The following CAPZB variants were observed in gnomAD, a reference collection of about 807,000 sequenced individuals.
CAPZB encodes capping actin protein of muscle Z-line subunit beta, also known as F-actin-capping protein subunit beta.
A neutral mutation model predicts 38.1 loss-of-function variants in CAPZB; 2 were observed. The ratio of observed to expected loss-of-function variants is 0.05; its 90% CI spans 0.02 to 0.17. The LOEUF (loss-of-function observed/expected upper bound fraction) is 0.17, where lower values mean the gene tolerates loss of function less well. CAPZB is among the 10% of genes least tolerant of loss of function. The probability of loss-of-function intolerance (pLI) is 1.00; values close to 1 mark genes in which losing one functional copy is unlikely to be tolerated. For synonymous variants in CAPZB, 107 were observed against 127.4 expected, an observed-to-expected ratio of 0.84 and a Z score of 1.08; for missense variants, 161 against 334.2, an observed-to-expected ratio of 0.48 and a Z score of 4.04.
At chr1:19,410,613 G>A (rs2094353455) in intron 2 of CAPZB, among the ~76,000 whole-genome samples, 1 of 151,874 alleles carries the variant, frequency 6.6e-6, no homozygotes, top group South Asian at 2.1e-4. Context: ...AGCTCTGGAG[G>A]AACATCGCCT....
intron 1 of CAPZB, among the ~76,000 whole-genome samples, chr1:19,431,467 A>G (rs536640321): frequency 6.6e-6 from 1 of 152,202 alleles, no homozygotes; most frequent in East Asian, 1.9e-4. Context: ...TGGGAGGCCA[A>G]GGTGGGTGGA....
At chr1:19,377,212 A>G (rs1004194604) in intron 4 of CAPZB, among the ~76,000 whole-genome samples, 6 of 152,266 alleles carry the variant, frequency 3.9e-5, no homozygotes, top group African/African-American at 1.4e-4. Context: ...TCAGCTTTTC[A>G]GTATCACTGG....
At chr1:19,363,102 G>A (rs2094062538) in intron 4 of CAPZB, among the ~76,000 whole-genome samples, 1 of 151,912 alleles carries the variant, frequency 6.6e-6, no homozygotes, top group African/African-American at 2.4e-5. Flanking sequence ...TGTTTTTTGA[G>A]ACAGGGTCTT....
At chr1:19,367,461 C>T (rs990125562) in intron 4 of CAPZB, among the ~76,000 whole-genome samples, 5 of 152,196 alleles carry the variant, frequency 3.3e-5, no homozygotes, top group East Asian at 1.9e-4. Flanking sequence ...TTACTGGGAG[C>T]GGTTCCGTAC....
At chr1:19,413,852 T>TG (rs1432495821) in intron 2 of CAPZB, among the ~76,000 whole-genome samples, 2 of 152,156 alleles carry the variant, frequency 1.3e-5, no homozygotes, top group Non-Finnish European at 2.9e-5. Context: ...CTTCATCACC[T>TG]GGGGGACAAA....
intron 3 of CAPZB, among the ~76,000 whole-genome samples, chr1:19,381,789 T>C (rs936541725): frequency 1.4e-5 from 2 of 145,370 alleles, no homozygotes; most frequent in Admixed American, 1.4e-4. Context: ...GTCTCCTGGG[T>C]TCAAGCAGAT....
intron 1 of CAPZB, among the ~76,000 whole-genome samples, chr1:19,471,795 G>A (rs1317094716): frequency 6.7e-6 from 1 of 149,920 alleles, no homozygotes; most frequent in African/African-American, 2.5e-5. Context: ...TGAACCAGGA[G>A]GCAGAGCTTG....
At chr1:19,419,321 G>A (rs1392654994) in intron 2 of CAPZB, among the ~76,000 whole-genome samples, 1 of 152,172 alleles carries the variant, frequency 6.6e-6, no homozygotes, top group African/African-American at 2.4e-5. Flanking sequence ...TCTGGCCTGC[G>A]TGCACTGCTG....
intron 2 of CAPZB, among the ~76,000 whole-genome samples, chr1:19,409,697 C>T (rs1465237251): frequency 6.6e-6 from 1 of 152,224 alleles, no homozygotes; most frequent in African/African-American, 2.4e-5. Flanking sequence ...CTCTAATAGC[C>T]TCAGCAGGTG....
At chr1:19,481,092 ACT>A (rs936024421) in intron 1 of CAPZB, among the ~76,000 whole-genome samples, 1 of 152,120 alleles carries the variant, frequency 6.6e-6, no homozygotes, top group African/African-American at 2.4e-5. Flanking sequence ...CTGGCTCCTA[ACT>A]CTATTTTCTT....
In CAPZB at chr1:19,352,561, C is replaced by T. The variant is rs370751373; in HGVS notation, c.588+4074G>A. On this transcript the variant is annotated intron_variant, in intron 6 of 8. Coordinates refer to ENST00000264202, the MANE Select transcript of CAPZB (RefSeq NM_004930.5). ...GAACTTGGGGCTTGCAACCTTTTTT[C>T]GCTTGCTCTACAACCCTCCCATGGG... is the stretch of plus-strand genomic sequence containing the variant. Among the ~76,000 whole-genome samples, 11 of 152,260 alleles carry T rather than the reference C, an allele frequency of 7.2e-5. No homozygotes were observed. In the South Asian group the frequency reaches 8.3e-4, roughly 11 times the overall value.
At chr1:19,346,452 T>TA (rs200968507) in intron 6 of CAPZB, among the ~76,000 whole-genome samples, 3,891 of 72,770 alleles carry the variant, frequency 0.053, 237 homozygotes, top group African/African-American at 0.09. Context: ...TGAGAGAAGC[T>TA]AAAAAAAAAA....
intron 2 of CAPZB, among the ~76,000 whole-genome samples, chr1:19,401,329 A>G (rs1457862617): frequency 6.6e-6 from 1 of 152,248 alleles, no homozygotes. Flanking sequence ...GATTTGCAGC[A>G]GAAGAGCTAT....
intron 2 of CAPZB, among the ~76,000 whole-genome samples, chr1:19,391,407 C>T (rs12141760): frequency 0.25 from 38,439 of 151,982 alleles, 4,990 homozygotes; most frequent in Non-Finnish European, 0.29. Flanking sequence ...GCCTGTTGGC[C>T]GAGAGCCCAC....
intron 1 of CAPZB, among the ~76,000 whole-genome samples, chr1:19,476,766 C>T (rs749575307): frequency 3.2e-4 from 48 of 152,232 alleles, no homozygotes; most frequent in Non-Finnish European, 4.3e-4. Flanking sequence ...GTTCCATCTC[C>T]TTGCATTTCA....
Position 19,372,377 on chromosome 1 carries a change from G to A in CAPZB, c.329+6163C>T, listed in dbSNP as rs372430000. 1.4e-4 allele frequency among the ~76,000 whole-genome samples: 21 copies of A among 152,344 alleles called. No individual in the cohort carries two copies. In the South Asian group the frequency reaches 3.5e-3, roughly 26 times the overall value. On this transcript the variant is annotated intron_variant, in intron 4 of 8. Coordinates refer to ENST00000264202, the MANE Select transcript of CAPZB (RefSeq NM_004930.5). Reference sequence around the variant, plus strand: ...TGGGAGTAATCATCTTTGGAAGAAGGCAGTGCCAGCCCTTTGGTCAGAACA... The same window carrying A: ...TGGGAGTAATCATCTTTGGAAGAAGACAGTGCCAGCCCTTTGGTCAGAACA...
chr1:19,429,807 A>G (rs537631196), intron 1 of CAPZB, among the ~76,000 whole-genome samples: 2 of 152,126 alleles, frequency 1.3e-5, no homozygotes, highest in Non-Finnish European at 2.9e-5. Flanking sequence ...CCAAGTCATT[A>G]AGCACCCACA....
At chr1:19,421,762 G>A (rs1232040796) in intron 1 of CAPZB, among the ~76,000 whole-genome samples, 1 of 152,146 alleles carries the variant, frequency 6.6e-6, no homozygotes, top group Non-Finnish European at 1.5e-5. Flanking sequence ...ATCTCTAGAA[G>A]TCTCTATTTA....
intron 1 of CAPZB, among the ~76,000 whole-genome samples, chr1:19,442,009 C>CAAAAAAAA (rs11384902): frequency 4.7e-4 from 40 of 86,000 alleles, no homozygotes; most frequent in East Asian, 1.0e-3. Context: ...ACTCTGTCTC[C>CAAAAAAAA]AAAAAAAAAA....
Sources: gnomAD v4.1 joint callset for allele counts (sites outside exome capture counted in the v4.1 genomes callset) on GRCh38, gnomAD v4.1.1 for gene constraint, MANE v1.5 for transcripts, NCBI Gene and HGNC (gene_info 2026-07-23, HGNC 2026-07-21) for gene names.